The following INPP5A variants were observed in gnomAD, a reference collection of about 807,000 sequenced individuals.
INPP5A encodes 43 kDa inositol polyphosphate 5-phophatase.
INPP5A carries 14 observed loss-of-function variants against 65.2 expected under a neutral mutation model. The observed-to-expected ratio is 0.21, with a 90% CI of 0.14 to 0.34. The LOEUF is 0.34. INPP5A is among the 10% of genes least tolerant of loss of function. The pLI, the probability that INPP5A is intolerant of heterozygous loss-of-function variation, is 1.00. For missense variants in INPP5A, 431 were observed against 545.6 expected (o/e 0.79, Z 2.09); for synonymous variants, 207 against 208.3 (o/e 0.99, Z 0.05).
At chr10:132,718,003 G>A (rs1426927969) in intron 8 of INPP5A, among the ~76,000 whole-genome samples, 5 of 143,416 alleles carry the variant, frequency 3.5e-5, no homozygotes, top group Admixed American at 2.8e-4. Flanking sequence ...CTGTCTTCAG[G>A]GTTCTGTGGT....
At chr10:132,717,896 C>G (rs531008000) in intron 8 of INPP5A, among the ~76,000 whole-genome samples, 319 of 124,648 alleles carry the variant, frequency 2.6e-3, no homozygotes, top group African/African-American at 0.011. Context: ...CGGCTGTCTT[C>G]AGGGTTCTGT....
At chr10:132,562,398 C>T (rs1273809336) in intron 1 of INPP5A, among the ~76,000 whole-genome samples, 2 of 152,228 alleles carry the variant, frequency 1.3e-5, no homozygotes, top group Non-Finnish European at 2.9e-5. Context: ...TGGGAGGACA[C>T]GTAGGTGAAC....
chr10:132,769,584 G>A (rs1217189301), intron 12 of INPP5A, among the ~76,000 whole-genome samples: 1 of 152,232 alleles, frequency 6.6e-6, no homozygotes, highest in African/African-American at 2.4e-5. Context: ...GGGACCCATG[G>A]TGGCAGGGAT....
chr10:132,556,484 C>T (rs1346072163), intron 1 of INPP5A, among the ~76,000 whole-genome samples: 1 of 152,180 alleles, frequency 6.6e-6, no homozygotes, highest in Non-Finnish European at 1.5e-5. Flanking sequence ...ACTTGCACAC[C>T]ACAGGCACAC....
chr10:132,613,876 C>T (rs182225774), intron 2 of INPP5A, among the ~76,000 whole-genome samples: 1 of 152,306 alleles, frequency 6.6e-6, no homozygotes, highest in Admixed American at 6.5e-5. Context: ...CTGACTGTTT[C>T]GGGTGTTTTT....
At chr10:132,563,087 G>A (rs1237744244) in intron 1 of INPP5A, among the ~76,000 whole-genome samples, 3 of 152,262 alleles carry the variant, frequency 2.0e-5, no homozygotes. Context: ...GAGGGACTGC[G>A]AGGTGCTGGA....
intron 9 of INPP5A, among the ~76,000 whole-genome samples, chr10:132,735,747 G>A (rs575622191): frequency 5.9e-5 from 9 of 152,344 alleles, no homozygotes; most frequent in Non-Finnish European, 1.0e-4. Context: ...ATGGGAGGCC[G>A]GGCAGAGCCG....
intron 2 of INPP5A, among the ~76,000 whole-genome samples, chr10:132,636,150 T>C (rs926052539): frequency 5.5e-5 from 7 of 128,014 alleles, no homozygotes; most frequent in Non-Finnish European, 8.2e-5. Context: ...AAATGCTTTA[T>C]TGGATAAACA....
chr10:132,634,761 T>C (rs1454054309), intron 2 of INPP5A, among the ~76,000 whole-genome samples: 2 of 152,262 alleles, frequency 1.3e-5, no homozygotes, highest in African/African-American at 4.8e-5. Flanking sequence ...CCTGGAGCCT[T>C]GGTCCAATGA....
chr10:132,763,544 CAT>C (rs1052596681), intron 11 of INPP5A, among the ~76,000 whole-genome samples: 17 of 152,094 alleles, frequency 1.1e-4, no homozygotes, highest in Admixed American at 3.3e-4. Flanking sequence ...TGCACACACA[CAT>C]AAACATGTGC....
chr10:132,748,008 C>T (rs1759876214), intron 9 of INPP5A, among the ~76,000 whole-genome samples: 1 of 152,172 alleles, frequency 6.6e-6, no homozygotes, highest in African/African-American at 2.4e-5. Context: ...CTTGATCACG[C>T]CACTGCGCTC....
intron 2 of INPP5A, among the ~76,000 whole-genome samples, chr10:132,617,353 C>T (rs1213633445): frequency 6.6e-6 from 1 of 152,200 alleles, no homozygotes; most frequent in Admixed American, 6.5e-5. Context: ...CTGGTCTGAT[C>T]TAAGGACAAG....
chr10:132,597,791 C>T (rs919547124), intron 1 of INPP5A, among the ~76,000 whole-genome samples: 12 of 151,418 alleles, frequency 7.9e-5, no homozygotes, highest in African/African-American at 1.5e-4. Flanking sequence ...GTGCGTGTTC[C>T]GGGGCTGTGC....
intron 2 of INPP5A, among the ~76,000 whole-genome samples, chr10:132,625,867 T>C (rs2072176585): frequency 6.6e-6 from 1 of 151,000 alleles, no homozygotes; most frequent in Non-Finnish European, 1.5e-5. Flanking sequence ...TGTGTGTGTG[T>C]GTGTGTGTGT....
At chr10:132,751,074 G>A (rs1257488563) in intron 11 of INPP5A, among the ~76,000 whole-genome samples, 1 of 152,190 alleles carries the variant, frequency 6.6e-6, no homozygotes. Flanking sequence ...CCAGCCCCGA[G>A]TCCCAGGCCC....
At chr10:132,642,577 C>T (rs1050508902) in intron 2 of INPP5A, among the ~76,000 whole-genome samples, 2 of 152,180 alleles carry the variant, frequency 1.3e-5, no homozygotes, top group South Asian at 2.1e-4. Context: ...CTGTGTGCGT[C>T]GCAGCCCCCT....
intron 1 of INPP5A, among the ~76,000 whole-genome samples, chr10:132,542,498 C>G (rs1021686410): frequency 2.6e-5 from 4 of 152,228 alleles, no homozygotes; most frequent in African/African-American, 9.7e-5. Flanking sequence ...GTACTGCCCT[C>G]TCTCCCACCT....
chr10:132,717,327 CAG>C (rs1351848966), intron 8 of INPP5A, among the ~76,000 whole-genome samples: 1 of 146,028 alleles, frequency 6.8e-6, no homozygotes, highest in Admixed American at 6.7e-5. Context: ...GTGGGGAAGT[CAG>C]GGGGCCTTTG....
At chr10:132,761,119 G>C (rs964509689) in intron 11 of INPP5A, among the ~76,000 whole-genome samples, 18 of 152,330 alleles carry the variant, frequency 1.2e-4, no homozygotes, top group African/African-American at 4.3e-4. Flanking sequence ...GTTCGACCTC[G>C]ACTCCCTGGT....
Sources: gnomAD v4.1 joint callset for allele counts (sites outside exome capture counted in the v4.1 genomes callset) on GRCh38, gnomAD v4.1.1 for gene constraint, MANE v1.5 for transcripts, NCBI Gene and HGNC (gene_info 2026-07-23, HGNC 2026-07-21) for gene names.